The following TYW1 variants were observed in gnomAD, a reference collection of about 807,000 sequenced individuals.
TYW1 encodes tRNA-yW synthesizing protein 1 homolog.
TYW1 carries 46 observed loss-of-function variants against 96.2 expected under a neutral mutation model. The ratio of observed to expected loss-of-function variants is 0.48; its 90% CI spans 0.38 to 0.61. The LOEUF is 0.61. Among genes scored for constraint, TYW1 ranks in the 20% least tolerant of loss-of-function variants. The probability of loss-of-function intolerance (pLI) is 0.00; values close to 1 mark genes in which losing one functional copy is unlikely to be tolerated. For synonymous variants in TYW1, 274 were observed against 323.0 expected, an observed-to-expected ratio of 0.85 and a Z score of 1.63; for missense variants, 684 against 909.6, an observed-to-expected ratio of 0.75 and a Z score of 3.19.
chr7:67,122,861 C>G (rs1797800847), intron 13 of TYW1, among the ~76,000 whole-genome samples: 1 of 152,146 alleles, frequency 6.6e-6, no homozygotes, highest in South Asian at 2.1e-4. Flanking sequence ...CTCAGCTACT[C>G]CTGAGTTGCA....
At chr7:67,102,744 A>C (rs1290771493) in intron 12 of TYW1, among the ~76,000 whole-genome samples, 1 of 151,718 alleles carries the variant, frequency 6.6e-6, no homozygotes, top group East Asian at 1.9e-4. Context: ...CTCCGCCTCC[A>C]GGGTTCAAGT....
At chr7:67,204,470 CCCTT>C (rs1325992161) in intron 15 of TYW1, among the ~76,000 whole-genome samples, 8 of 151,330 alleles carry the variant, frequency 5.3e-5, no homozygotes, top group Admixed American at 2.6e-4. Context: ...CTTCCTCCCT[CCCTT>C]CCTTCCTTCC....
At chr7:67,064,267 G>A (rs536273261) in intron 9 of TYW1, among the ~76,000 whole-genome samples, 1 of 152,180 alleles carries the variant, frequency 6.6e-6, no homozygotes, top group Non-Finnish European at 1.5e-5. Flanking sequence ...ACAGAAATGG[G>A]AAGAATAGTT....
At chr7:67,001,044 A>G (rs1793368574) in intron 3 of TYW1, among the ~76,000 whole-genome samples, 1 of 151,988 alleles carries the variant, frequency 6.6e-6, no homozygotes, top group Admixed American at 6.6e-5. Context: ...TGTTACTTAT[A>G]AAAAACCTTT....
intron 13 of TYW1, among the ~76,000 whole-genome samples, chr7:67,121,913 A>G (rs1479467215): frequency 6.8e-6 from 1 of 147,744 alleles, no homozygotes; most frequent in East Asian, 1.9e-4. Context: ...TATGTGGGCT[A>G]AAAACCAATT....
intron 13 of TYW1, among the ~76,000 whole-genome samples, chr7:67,151,227 T>C (rs1317919133): frequency 6.6e-6 from 1 of 152,162 alleles, no homozygotes; most frequent in East Asian, 1.9e-4. Context: ...ATCTTTTGTA[T>C]TTTTAGTAGA....
At chr7:67,150,460 A>G (rs1311052380) in intron 13 of TYW1, among the ~76,000 whole-genome samples, 2 of 152,228 alleles carry the variant, frequency 1.3e-5, no homozygotes, top group African/African-American at 2.4e-5. Flanking sequence ...ATATCCTACA[A>G]CATCTGTGTG....
At chr7:67,121,364 C>T (rs865902428) in intron 13 of TYW1, among the ~76,000 whole-genome samples, 5 of 152,064 alleles carry the variant, frequency 3.3e-5, no homozygotes, top group Admixed American at 1.3e-4. Context: ...GGTGAAACCC[C>T]GTCTCTACTA....
Position 67,079,892 on chromosome 7 carries a change from A to G in TYW1, c.1275-3538A>G, listed in dbSNP as rs548028267. Among the ~76,000 whole-genome samples, 11 of 152,126 alleles carry G rather than the reference A, an allele frequency of 7.2e-5. No homozygotes were observed. The East Asian group carries it at 1.2e-3, about 16-fold the overall frequency. ...TGCTATTTGGTTTCCATTACTTTAT[A>G]TAGGTTCCAAAGTTCCTTTTATGAC... On this transcript the variant is annotated intron_variant, in intron 10 of 15. Coordinates refer to ENST00000359626, the MANE Select transcript of TYW1 (RefSeq NM_018264.4).
chr7:67,226,631 A>G (rs1184829947), intron 15 of TYW1, among the ~76,000 whole-genome samples: 1 of 152,144 alleles, frequency 6.6e-6, no homozygotes, highest in Non-Finnish European at 1.5e-5. Flanking sequence ...CGATTTGAGT[A>G]ATCATAAAAC....
chr7:67,217,812 T>G (rs1801248101), intron 15 of TYW1, among the ~76,000 whole-genome samples: 1 of 151,544 alleles, frequency 6.6e-6, no homozygotes, highest in Admixed American at 6.6e-5. Flanking sequence ...GATATTGTAT[T>G]GGATATGTAG....
chr7:67,029,408 T>TACATATATATATATAC (rs1381722152), intron 7 of TYW1, among the ~76,000 whole-genome samples: 97 of 134,988 alleles, frequency 7.2e-4, no homozygotes, highest in East Asian at 1.1e-3. Context: ...TGTGTGTGTG[T>TACATATATATATATAC]GTGTGTGTAT....
chr7:67,000,153 C>T (rs2129235977), intron 3 of TYW1, among the ~76,000 whole-genome samples: 1 of 152,052 alleles, frequency 6.6e-6, no homozygotes, highest in African/African-American at 2.4e-5. Context: ...CCAGGCTGGT[C>T]TTAAACTCTT....
intron 14 of TYW1, among the ~76,000 whole-genome samples, chr7:67,186,549 G>A (rs1305650396): frequency 2.0e-5 from 3 of 151,928 alleles, no homozygotes; most frequent in Admixed American, 1.3e-4. Flanking sequence ...GTGCAGTGGT[G>A]CAATCATGGC....
At chr7:67,156,622 C>G (rs1183147582) in intron 13 of TYW1, among the ~76,000 whole-genome samples, 2 of 152,122 alleles carry the variant, frequency 1.3e-5, no homozygotes, top group African/African-American at 2.4e-5. Context: ...GGGGACCTGG[C>G]CACATCACTG....
chr7:67,157,029 T>A (rs1799000396), intron 13 of TYW1, among the ~76,000 whole-genome samples: 1 of 152,058 alleles, frequency 6.6e-6, no homozygotes, highest in Non-Finnish European at 1.5e-5. Context: ...AAACCCCATA[T>A]TGTCTCTTAG....
intron 3 of TYW1, among the ~76,000 whole-genome samples, chr7:67,007,691 G>A (rs1310418930): frequency 1.3e-5 from 2 of 151,988 alleles, no homozygotes; most frequent in African/African-American, 4.8e-5. Flanking sequence ...GGAGTGCAGT[G>A]TGGCACGATC....
At chr7:67,065,346 G>C (rs1460930104) in intron 9 of TYW1, among the ~76,000 whole-genome samples, 1 of 152,194 alleles carries the variant, frequency 6.6e-6, no homozygotes, top group African/African-American at 2.4e-5. Context: ...ACTTCAACCT[G>C]AATGGGACAG....
intron 15 of TYW1, 113 bp downstream of exon 15, chr7:67,195,450 A>G (rs1800362925): frequency 2.0e-6 from 3 of 1,511,286 alleles, no homozygotes; most frequent in South Asian, 1.2e-5. Context: ...CTTGTTTGCT[A>G]CCTTTCCCAA....
Sources: allele counts gnomAD v4.1 joint callset (sites outside exome capture counted in the v4.1 genomes callset), GRCh38; gene constraint gnomAD v4.1.1; transcripts MANE v1.5; gene names NCBI Gene and HGNC (gene_info 2026-07-23, HGNC 2026-07-21).